The following ARL13B variants were observed in gnomAD, a reference collection of about 807,000 sequenced individuals.
ARL13B encodes the protein ARF like GTPase 13B, also known as ADP-ribosylation factor-like protein 13B.
In ARL13B, 36 loss-of-function variants were observed where a neutral mutation model predicts 56.1. That is an observed-to-expected ratio of 0.64 (90% CI 0.49 to 0.85). ARL13B has a LOEUF of 0.85. Among genes scored for constraint, ARL13B ranks in the 40% least tolerant of loss-of-function variants. ARL13B has a pLI of 0.00. For synonymous variants in ARL13B, 178 were observed against 171.1 expected (o/e 1.04, Z -0.32); for missense variants, 519 against 507.1 (o/e 1.02, Z -0.23).
At chr3:93,980,507 C>T (rs1184748968) in intron 1 of ARL13B, 25 bp downstream of exon 1, 1 of 1,607,960 alleles carries the variant, frequency 6.2e-7, no homozygotes, top group Non-Finnish European at 8.5e-7. Context: ...GCTGTCCTGG[C>T]CGTCCTAGGG....
At chr3:93,991,426 C>T (rs1290228188) in intron 1 of ARL13B, among the ~76,000 whole-genome samples, 1 of 152,162 alleles carries the variant, frequency 6.6e-6, no homozygotes, top group Non-Finnish European at 1.5e-5. Flanking sequence ...GTTGCCCAGG[C>T]TTCAGTGCAG....
chr3:93,983,916 T>A (rs1289071225), intron 1 of ARL13B, among the ~76,000 whole-genome samples: 1 of 152,206 alleles, frequency 6.6e-6, no homozygotes, highest in Non-Finnish European at 1.5e-5. Context: ...CACATATAAC[T>A]TTTGACTTCC....
At chr3:94,024,655 G>A (rs546581268) in intron 3 of ARL13B, among the ~76,000 whole-genome samples, 134 of 152,074 alleles carry the variant, frequency 8.8e-4, no homozygotes, top group African/African-American at 2.7e-3. Context: ...GCTCAATTGC[G>A]GCTCACTGCA....
chr3:94,024,738 A>G (rs1170599312), intron 3 of ARL13B, among the ~76,000 whole-genome samples: 1 of 151,960 alleles, frequency 6.6e-6, no homozygotes, highest in East Asian at 1.9e-4. Flanking sequence ...GTTGCATGCC[A>G]CTGTGCTTGG....
At chr3:94,038,187 A>G (rs2076802304) in intron 5 of ARL13B, among the ~76,000 whole-genome samples, 1 of 152,212 alleles carries the variant, frequency 6.6e-6, no homozygotes, top group Non-Finnish European at 1.5e-5. Flanking sequence ...TGACTATCCT[A>G]TGAGAAAGTT....
At chr3:94,011,902 C>G (rs527512691) in intron 3 of ARL13B, among the ~76,000 whole-genome samples, 1 of 152,226 alleles carries the variant, frequency 6.6e-6, no homozygotes, top group South Asian at 2.1e-4. Context: ...TCCATTTGTG[C>G]TTCTGTTTCT....
At chr3:94,023,875 T>A (rs1188520004) in intron 3 of ARL13B, among the ~76,000 whole-genome samples, 10 of 147,856 alleles carry the variant, frequency 6.8e-5, no homozygotes, top group Admixed American at 6.8e-5. Flanking sequence ...TAAAATAATG[T>A]TGTTGTTTGA....
At chr3:94,032,637 C>G (rs1186851064) in intron 3 of ARL13B, among the ~76,000 whole-genome samples, 1 of 152,154 alleles carries the variant, frequency 6.6e-6, no homozygotes, top group African/African-American at 2.4e-5. Flanking sequence ...GCTGGGACTA[C>G]AGGCGCCTGC....
intron 5 of ARL13B, 90 bp downstream of exon 5, chr3:94,036,844 T>G: frequency 3.5e-6 from 5 of 1,411,528 alleles, no homozygotes; most frequent in Non-Finnish European, 4.9e-6. Flanking sequence ...TCTGTTCAGT[T>G]TCTTCTTTCT....
At chr3:94,005,026 T>A (rs559002258) in intron 3 of ARL13B, among the ~76,000 whole-genome samples, 6 of 152,286 alleles carry the variant, frequency 3.9e-5, no homozygotes, top group African/African-American at 1.2e-4. Context: ...TGTGCTTTTT[T>A]AAAACTAGTC....
chr3:94,029,441 G>A (rs373607284), intron 3 of ARL13B, among the ~76,000 whole-genome samples: 4 of 146,086 alleles, frequency 2.7e-5, no homozygotes, highest in South Asian at 2.2e-4. Flanking sequence ...TCCGTCTCCC[G>A]GGTTCAAGCA....
chr3:93,994,101 T>C (rs1267058379), intron 1 of ARL13B, among the ~76,000 whole-genome samples: 1 of 152,224 alleles, frequency 6.6e-6, no homozygotes, highest in African/African-American at 2.4e-5. Flanking sequence ...GTTTTACTCA[T>C]AGTAGAAGTC....
chr3:94,037,233 A>C (rs569771420), intron 5 of ARL13B, among the ~76,000 whole-genome samples: 1 of 152,300 alleles, frequency 6.6e-6, no homozygotes, highest in South Asian at 2.1e-4. Flanking sequence ...AATAACGTTG[A>C]GACTGAGGAA....
At chr3:94,007,467 A>G (rs1256857692) in intron 3 of ARL13B, among the ~76,000 whole-genome samples, 1 of 152,194 alleles carries the variant, frequency 6.6e-6, no homozygotes, top group African/African-American at 2.4e-5. Flanking sequence ...CTGGGAAGAA[A>G]AAGAGGTTTA....
At chr3:94,018,903 C>G (rs2076389928) in intron 3 of ARL13B, among the ~76,000 whole-genome samples, 1 of 151,938 alleles carries the variant, frequency 6.6e-6, no homozygotes. Context: ...GTGGCTGGGA[C>G]TACAGGCATG....
At position 94,055,320 on chromosome 3, in the gene ARL13B, C is replaced by A. The variant is rs900684574; in HGVS notation, c.*2057C>A. ...TTCAATTGGTAGATTTAAATGATTT[C>A]CTTTGGGTAATAAAATAGGTAAAGA... On this transcript the variant is annotated 3_prime_UTR_variant, in exon 10 of 10. Coordinates refer to ENST00000394222, the MANE Select transcript of ARL13B (RefSeq NM_001174150.2). 4.9e-5 allele frequency: 21 copies of A among 429,438 alleles called. No homozygotes were observed. The highest frequency in any genetic ancestry group is 4.3e-4 in the African/African-American group (21 of 48,756). The allele number at this position is 429,438 out of a possible 1,614,324, so 26.6% of individuals were successfully genotyped here. A position where few individuals can be genotyped will look rare whatever the true frequency, so the allele number is the denominator to read the frequency against.
chr3:94,021,592 A>G (rs927407606), intron 3 of ARL13B, among the ~76,000 whole-genome samples: 3 of 152,196 alleles, frequency 2.0e-5, no homozygotes, highest in African/African-American at 7.2e-5. Context: ...ACCATGTGGC[A>G]ACTTTGTGAA....
intron 2 of ARL13B, among the ~76,000 whole-genome samples, chr3:94,002,511 C>T (rs2076071178): frequency 6.6e-6 from 1 of 152,114 alleles, no homozygotes; most frequent in African/African-American, 2.4e-5. Context: ...ACAATGTTTT[C>T]TGTGGGATAA....
intron 1 of ARL13B, among the ~76,000 whole-genome samples, chr3:93,994,991 G>A (rs191701642): frequency 3.6e-4 from 55 of 152,258 alleles, no homozygotes; most frequent in African/African-American, 1.3e-3. Context: ...TGGCAGCTGT[G>A]TTAAGCTGTG....
Sources: allele counts gnomAD v4.1 joint callset (sites outside exome capture counted in the v4.1 genomes callset), GRCh38; gene constraint gnomAD v4.1.1; transcripts MANE v1.5; gene names NCBI Gene and HGNC (gene_info 2026-07-23, HGNC 2026-07-21).